The following PRPSAP1 variants were observed in gnomAD, a reference collection of about 807,000 sequenced individuals.
The protein encoded by PRPSAP1 is phosphoribosyl pyrophosphate synthetase associated protein 1.
Under a neutral mutation model 39.4 loss-of-function variants are expected in PRPSAP1, and 31 were observed. The observed-to-expected ratio is 0.79, with a 90% CI of 0.59 to 1.06. PRPSAP1 has a LOEUF of 1.06. Among genes scored for constraint, PRPSAP1 ranks in the 50% least tolerant of loss-of-function variants. The pLI is 0.00. For missense variants in PRPSAP1, 430 were observed against 511.6 expected, an observed-to-expected ratio of 0.84 and a Z score of 1.54; for synonymous variants, 212 against 192.6, an observed-to-expected ratio of 1.10 and a Z score of -0.83.
intron 2 of PRPSAP1, among the ~76,000 whole-genome samples, chr17:76,347,303 A>T (rs2143547397): frequency 6.6e-6 from 1 of 151,914 alleles, no homozygotes; most frequent in African/African-American, 2.4e-5. Flanking sequence ...CCTGACCAAC[A>T]TGGCAAAACC....
intron 3 of PRPSAP1, among the ~76,000 whole-genome samples, chr17:76,344,213 TGCCTCCTGGGTTCAC>T (rs1265968064): frequency 2.0e-5 from 3 of 152,196 alleles, no homozygotes; most frequent in African/African-American, 7.2e-5. Context: ...CTGCAAGCTC[TGCCTCCTGGGTTCAC>T]GCCTTTCTCC....
intron 3 of PRPSAP1, 116 bp downstream of exon 3, chr17:76,344,555 C>T (rs1317118283): frequency 8.3e-6 from 8 of 959,480 alleles, no homozygotes; most frequent in African/African-American, 3.4e-5. Context: ...GTGAGCCACA[C>T]GCCCGGCCTG....
intron 1 of PRPSAP1, among the ~76,000 whole-genome samples, chr17:76,350,393 C>T (rs376195515): frequency 2.0e-5 from 3 of 148,186 alleles, no homozygotes; most frequent in East Asian, 2.0e-4. Context: ...GAGCAGAGAT[C>T]GTGCCACTGC....
chr17:76,352,048 C>A (rs2071580579), intron 1 of PRPSAP1, among the ~76,000 whole-genome samples: 1 of 151,492 alleles, frequency 6.6e-6, no homozygotes, highest in East Asian at 1.9e-4. Flanking sequence ...TTCTTCCACT[C>A]TCCAAAACTC....
chr17:76,347,979 G>A (rs903474948), intron 2 of PRPSAP1, among the ~76,000 whole-genome samples: 2 of 152,148 alleles, frequency 1.3e-5, no homozygotes, highest in Non-Finnish European at 2.9e-5. Context: ...CAGCCTACAG[G>A]GTAGGAGTAA....
At position 76,330,595 on chromosome 17, in the gene PRPSAP1, T is replaced by C; in HGVS notation, c.535A>G (p.Asn179Asp). ...IQGFFSFPVDNLRASPFLLQY... is the reference protein window; with the variant it reads ...IQGFFSFPVDDLRASPFLLQY... ...AGCAGGAAAGGTGAGGCTCTAAGGT[T>C]GTCCACAGGAAAGCTGAAAAAGCCT... is the stretch of plus-strand genomic sequence containing the variant. Residue 179 changes from asparagine (N) to aspartate (D), a missense_variant, in exon 5 of 10, where the codon AAC (asparagine) becomes GAC (aspartate). By Grantham distance (23) the Asn-to-Asp change is conservative. Transcript: ENST00000446526. 6.2e-7 allele frequency: 1 copy of C among 1,613,344 alleles called. No individual in the cohort carries two copies. Among genetic ancestry groups the C allele is most frequent in the Non-Finnish European group, 8.5e-7 (1 of 1,179,452 alleles).
intron 2 of PRPSAP1, among the ~76,000 whole-genome samples, chr17:76,346,711 GCTTT>G (rs1211344472): frequency 6.6e-6 from 1 of 152,220 alleles, no homozygotes; most frequent in East Asian, 1.9e-4. Flanking sequence ...TTTTACAGTG[GCTTT>G]CTGATTTTTG....
intron 3 of PRPSAP1, among the ~76,000 whole-genome samples, chr17:76,339,122 T>C (rs966703183): frequency 6.6e-6 from 1 of 151,264 alleles, no homozygotes; most frequent in Admixed American, 6.6e-5. Context: ...ACTAGTTTAT[T>C]GACTGGGCAC....
chr17:76,341,852 T>C (rs1343599862), intron 3 of PRPSAP1, among the ~76,000 whole-genome samples: 2 of 151,996 alleles, frequency 1.3e-5, no homozygotes. Context: ...GGCAGGAGAA[T>C]GGCGTGAACT....
chr17:76,324,949 T>C (rs1248212432), intron 7 of PRPSAP1, among the ~76,000 whole-genome samples: 5 of 150,332 alleles, frequency 3.3e-5, no homozygotes, highest in African/African-American at 9.8e-5. Context: ...GCACCTGTAG[T>C]CCCAGCTACT....
intron 7 of PRPSAP1, among the ~76,000 whole-genome samples, chr17:76,323,696 A>T (rs2071222527): frequency 6.6e-6 from 1 of 152,014 alleles, no homozygotes; most frequent in South Asian, 2.1e-4. Context: ...GCTTTGATAG[A>T]TAAGCAAAGA....
chr17:76,343,732 G>C (rs2071465160), intron 3 of PRPSAP1, among the ~76,000 whole-genome samples: 1 of 152,056 alleles, frequency 6.6e-6, no homozygotes, highest in Admixed American at 6.6e-5. Flanking sequence ...CTACTAGGGA[G>C]GCTGAGGCAG....
chr17:76,331,332 G>A (rs572003049), intron 4 of PRPSAP1, among the ~76,000 whole-genome samples: 1 of 152,150 alleles, frequency 6.6e-6, no homozygotes, highest in African/African-American at 2.4e-5. Flanking sequence ...GTTTTTTGGA[G>A]AGGATGAAAT....
intron 7 of PRPSAP1, among the ~76,000 whole-genome samples, chr17:76,325,765 C>T (rs1027871073): frequency 4.0e-5 from 6 of 151,794 alleles, no homozygotes; most frequent in Middle Eastern, 3.4e-3. Context: ...CCACTACGCC[C>T]GGCTAATTTT....
chr17:76,313,462 C>CG (rs2071089965), intron 8 of PRPSAP1: 1 of 281,756 alleles, frequency 3.5e-6, no homozygotes, highest in Admixed American at 4.8e-5. Context: ...CGAGTCTGCA[C>CG]GGGGACACCC....
At chr17:76,322,070 TCTAA>T (rs1331306907) in intron 7 of PRPSAP1, among the ~76,000 whole-genome samples, 2 of 152,102 alleles carry the variant, frequency 1.3e-5, no homozygotes, top group African/African-American at 4.8e-5. Context: ...ACTCCGAAGA[TCTAA>T]CTAAGATAAT....
At chr17:76,331,432 G>A (rs1422902570) in intron 4 of PRPSAP1, among the ~76,000 whole-genome samples, 1 of 152,196 alleles carries the variant, frequency 6.6e-6, no homozygotes, top group Non-Finnish European at 1.5e-5. Context: ...TACAATGGTT[G>A]TGTCTGTACT....
intron 7 of PRPSAP1, among the ~76,000 whole-genome samples, chr17:76,321,298 T>G (rs969552948): frequency 6.6e-6 from 1 of 151,982 alleles, no homozygotes; most frequent in Non-Finnish European, 1.5e-5. Flanking sequence ...GGCTCACACA[T>G]GTAATCCCAG....
chr17:76,344,853 AC>A (rs2143539998), intron 2 of PRPSAP1, 116 bp from the exon 3 acceptor site: 1 of 671,444 alleles, frequency 1.5e-6, no homozygotes, highest in East Asian at 2.7e-5. Flanking sequence ...TAATCCTAGC[AC>A]TTTAGGAGGG....
Sources: allele counts gnomAD v4.1 joint callset (sites outside exome capture counted in the v4.1 genomes callset), GRCh38; gene constraint gnomAD v4.1.1; transcripts MANE v1.5; gene names NCBI Gene and HGNC (gene_info 2026-07-23, HGNC 2026-07-21).